OSER1: variants seen among roughly 807,000 people sequenced by gnomAD.
OSER1 encodes oxidative stress responsive serine rich 1, also known as oxidative stress-responsive serine-rich protein 1.
A neutral mutation model predicts 26.3 loss-of-function variants in OSER1; 15 were observed. The ratio of observed to expected loss-of-function variants is 0.57; its 90% CI spans 0.38 to 0.88. OSER1 has a LOEUF of 0.88. Among genes scored for constraint, OSER1 ranks in the 40% least tolerant of loss-of-function variants. The pLI is 0.00. For missense variants in OSER1, 313 were observed against 353.9 expected, an observed-to-expected ratio of 0.88 and a Z score of 0.93; for synonymous variants, 127 against 128.2, an observed-to-expected ratio of 0.99 and a Z score of 0.07.
At position 44,196,210 on chromosome 20, in the gene OSER1, T is replaced by G. The variant is rs908167575; in HGVS notation, c.*842A>C. On this transcript the variant is annotated 3_prime_UTR_variant, in exon 4 of 4. Coordinates refer to ENST00000255174, the MANE Select transcript of OSER1 (RefSeq NM_016470.8). ...GAATGTACAAAATTCTCTTTTAGGG[T>G]TGCTGGGGTGACAGGGCAGCTCAAA... is the stretch of plus-strand genomic sequence containing the variant. Among the ~76,000 whole-genome samples, 2 of 151,728 alleles carry G rather than the reference T, an allele frequency of 1.3e-5. No individual in the cohort carries two copies. Among genetic ancestry groups the G allele is most frequent in the African/African-American group, 2.4e-5 (1 of 41,368 alleles).
At position 44,197,418 on chromosome 20, in the gene OSER1, T is replaced by C. The variant is rs1428425643; in HGVS notation, c.513A>G (p.Gln171=). Residue 171 remains glutamine, a synonymous_variant, in exon 4 of 4, where the codon CAA becomes CAG. Coordinates refer to ENST00000255174, the MANE Select transcript of OSER1 (RefSeq NM_016470.8). ...SKKEDSSDAT[Q]VPQASLKASD... is the part of the protein sequence containing the mutation. Reference sequence around the variant, plus strand: ...TGGCTTTGAGACTTGCTTGGGGGACTTGGGTAGCGTCAGAGGAGTCTTCCT... The same window carrying C: ...TGGCTTTGAGACTTGCTTGGGGGACCTGGGTAGCGTCAGAGGAGTCTTCCT... The C allele has an allele frequency of 2.5e-6, 4 of 1,614,094 alleles. No homozygotes were observed. In the African/African-American group the frequency reaches 5.3e-5, roughly 22 times the overall value.
upstream of OSER1, chr20:44,211,350 T>C (rs3843762): frequency 0.086 from 13,128 of 152,314 alleles, 1,059 homozygotes; most frequent in East Asian, 0.29. Context: ...TGCAGAGAAG[T>C]GAAGAGGTAT....
rs74354400 is a variant in OSER1 at position 44,209,569 on chromosome 20, C to A, written c.-42+1127G>T. Among the ~76,000 whole-genome samples, 1,182 of 152,214 alleles carry A rather than the reference C, an allele frequency of 7.8e-3. 21 individuals are homozygous for A. The highest frequency in any genetic ancestry group is 0.054 in the East Asian group (280 of 5,186). ...ACTGCAGTGAACTCGTGAAGTTGAA[C>A]AATCTCCAAAGAGATGAAACTTTAA... On this transcript the variant is annotated intron_variant, in intron 1 of 3. Coordinates refer to ENST00000255174, the MANE Select transcript of OSER1 (RefSeq NM_016470.8).
At chr20:44,200,297 T>A (rs2072967538) in intron 3 of OSER1, among the ~76,000 whole-genome samples, 1 of 152,208 alleles carries the variant, frequency 6.6e-6, no homozygotes, top group Admixed American at 6.5e-5. Flanking sequence ...ACCCTGGCAC[T>A]ACCTGCTACC....
intron 1 of OSER1, among the ~76,000 whole-genome samples, chr20:44,207,903 G>A (rs1328027267): frequency 6.6e-6 from 1 of 152,150 alleles, no homozygotes. Flanking sequence ...CAACAGAGAA[G>A]TCTGTTAATA....
intron 2 of OSER1, among the ~76,000 whole-genome samples, chr20:44,204,300 C>G (rs2073017691): frequency 6.6e-6 from 1 of 152,114 alleles, no homozygotes; most frequent in African/African-American, 2.4e-5. Context: ...TGAGTCAATC[C>G]TCAGATATCC....
intron 2 of OSER1, among the ~76,000 whole-genome samples, chr20:44,205,011 G>GT (rs1277951363): frequency 1.3e-5 from 2 of 151,678 alleles, no homozygotes; most frequent in Non-Finnish European, 2.9e-5. Context: ...CTAATTCTTT[G>GT]TTTTTTTGCA....
chr20:44,195,961 A>G lies in OSER1; in HGVS notation c.*1091T>C, dbSNP rs2072913660. ...CAGTTTTAGTAAATAGTATAAATGTATTTTGTAATTTAAACAAAAGCTTCT... is the reference window on the plus strand; with the variant it reads ...CAGTTTTAGTAAATAGTATAAATGTGTTTTGTAATTTAAACAAAAGCTTCT... On this transcript the variant is annotated 3_prime_UTR_variant, in exon 4 of 4. Transcript: ENST00000255174. Among the ~76,000 whole-genome samples, 1 of 152,234 alleles carries G rather than the reference A, an allele frequency of 6.6e-6. No homozygotes were observed. Among genetic ancestry groups the G allele is most frequent in the South Asian group, 2.1e-4 (1 of 4,838 alleles).
chr20:44,196,701 C>G lies in OSER1; in HGVS notation c.*351G>C, dbSNP rs923718919. The G allele has an allele frequency of 5.1e-6, 1 of 197,974 alleles. No homozygotes were observed. Among genetic ancestry groups the G allele is most frequent in the Non-Finnish European group, 1.0e-5 (1 of 95,992 alleles). 12.3% of individuals were successfully genotyped at this position (197,974 alleles called of 1,614,324 possible). A position where few individuals can be genotyped will look rare whatever the true frequency, so the allele number is the denominator to read the frequency against. On this transcript the variant is annotated 3_prime_UTR_variant, in exon 4 of 4. Coordinates refer to ENST00000255174, the MANE Select transcript of OSER1 (RefSeq NM_016470.8). The stretch of plus-strand genomic sequence containing the variant: ...CAGTTACAAAATCACATTTTACTTT[C>G]CTTGGCTAGCAAACCTTAAACAAAT...
intron 1 of OSER1, among the ~76,000 whole-genome samples, chr20:44,209,213 T>C (rs2073071445): frequency 6.6e-6 from 1 of 152,246 alleles, no homozygotes; most frequent in Non-Finnish European, 1.5e-5. Context: ...AGATCTATCA[T>C]CTAAAAACCA....
Position 44,197,066 on chromosome 20 carries a change from T to C in OSER1, c.865A>G (p.Met289Val). The C allele has an allele frequency of 6.2e-7, 1 of 1,608,738 alleles. No individual in the cohort carries two copies. The highest frequency in any genetic ancestry group is 8.5e-7 in the Non-Finnish European group (1 of 1,175,256). ...IPKKMSHMAE[M>V]MYT Reference sequence around the variant, plus strand: ...GCTTCTTGCTATCAGGTGTACATCATTTCTGCCATGTGGGACATTTTCTTG... The same window carrying C: ...GCTTCTTGCTATCAGGTGTACATCACTTCTGCCATGTGGGACATTTTCTTG... Residue 289 changes from methionine to valine, a missense_variant, in exon 4 of 4, where the codon ATG (methionine) becomes GTG (valine). Physicochemically the swap from Met to Val is conservative, Grantham distance 21 (BLOSUM62 1). Transcript: ENST00000255174.
intron 2 of OSER1, among the ~76,000 whole-genome samples, chr20:44,203,553 C>A (rs6130566): frequency 0.22 from 32,703 of 151,944 alleles, 4,459 homozygotes; most frequent in East Asian, 0.42. Flanking sequence ...TAAATCCTTG[C>A]GGTTTAAAAT....
In OSER1 at chr20:44,197,265, A is replaced by G. The variant is rs761652357; in HGVS notation, c.666T>C (p.Ser222=). ...MEVYSFSGLQ[S]VPPLAPERRS... The stretch of plus-strand genomic sequence containing the variant: ...TTCGTTCTGGAGCCAAGGGAGGGAC[A>G]CTCTGCAGGCCTGAAAAGGAATACA... The change falls in exon 4 of 4, where the codon AGT becomes AGC. Residue 222 remains serine, a synonymous_variant. Transcript: ENST00000255174. The G allele has an allele frequency of 1.9e-6, 3 of 1,613,976 alleles. No homozygotes were observed. Among genetic ancestry groups the G allele is most frequent in the South Asian group, 2.2e-5 (2 of 91,078 alleles).
In OSER1 at chr20:44,196,894, A is replaced by C; in HGVS notation, c.*158T>G. On this transcript the variant is annotated 3_prime_UTR_variant, in exon 4 of 4. Coordinates refer to ENST00000255174, the MANE Select transcript of OSER1 (RefSeq NM_016470.8). ...AGAACTCAAGAGAGTAAGTTGAAAG[A>C]ATGAAGATTAACTGAGATGCCAAGA... 1.7e-6 allele frequency: 1 copy of C among 595,060 alleles called. No individual in the cohort carries two copies. Among genetic ancestry groups the C allele is most frequent in the Non-Finnish European group, 3.0e-6 (1 of 333,380 alleles). 36.9% of individuals were successfully genotyped at this position (595,060 alleles called of 1,614,324 possible).
intron 2 of OSER1, among the ~76,000 whole-genome samples, chr20:44,203,713 C>A (rs1372929767): frequency 6.6e-6 from 1 of 151,788 alleles, no homozygotes; most frequent in Non-Finnish European, 1.5e-5. Context: ...CACACACACA[C>A]ACACACACAC....
intron 2 of OSER1, among the ~76,000 whole-genome samples, chr20:44,203,992 G>C (rs1322709244): frequency 6.6e-6 from 1 of 152,128 alleles, no homozygotes; most frequent in Non-Finnish European, 1.5e-5. Flanking sequence ...AAAGCAGCAT[G>C]GTTAAACACC....
At chr20:44,198,903 C>T (rs892588020) in intron 3 of OSER1, among the ~76,000 whole-genome samples, 2 of 152,202 alleles carry the variant, frequency 1.3e-5, no homozygotes, top group Non-Finnish European at 2.9e-5. Flanking sequence ...CAAAATCTTG[C>T]ACCATCCTGC....
chr20:44,203,719 CACACACACACA>C lies in OSER1; in HGVS notation c.78-656_78-646del, dbSNP rs1352607014. The stretch of plus-strand genomic sequence containing the variant: ...TCACACACACACACACACACACACA[CACACACACACA>C]CCCCTCCTACTATACATGCTATGGT... On this transcript the variant is annotated intron_variant, in intron 2 of 3. Transcript: ENST00000255174. Among the ~76,000 whole-genome samples, 431 of 151,992 alleles carry C rather than the reference CACACACACACA, an allele frequency of 2.8e-3. 4 individuals are homozygous for C. Among genetic ancestry groups the C allele is most frequent in the African/African-American group, 9.7e-3 (404 of 41,456 alleles).
At chr20:44,211,585 A>G (rs2073110959), upstream of OSER1, among the ~76,000 whole-genome samples, 1 of 152,208 alleles carries the variant, frequency 6.6e-6, no homozygotes, top group African/African-American at 2.4e-5. Flanking sequence ...CCTCTTGCCA[A>G]AGAAATGCAC....
Sources: gnomAD v4.1 joint callset for allele counts (sites outside exome capture counted in the v4.1 genomes callset) on GRCh38, gnomAD v4.1.1 for gene constraint, MANE v1.5 for transcripts, NCBI Gene and HGNC (gene_info 2026-07-23, HGNC 2026-07-21) for gene names.